The following RBFOX1 variants were observed in gnomAD, a reference collection of about 807,000 sequenced individuals.
RBFOX1 encodes RNA binding fox-1 homolog 1.
In RBFOX1, 8 loss-of-function variants were observed where a neutral mutation model predicts 57.7. The ratio of observed to expected loss-of-function variants is 0.14; its 90% CI spans 0.08 to 0.25. RBFOX1 has a LOEUF of 0.25. Among genes scored for constraint, RBFOX1 ranks in the 10% least tolerant of loss-of-function variants. The probability of loss-of-function intolerance (pLI) is 1.00; values close to 1 mark genes in which losing one functional copy is unlikely to be tolerated. For synonymous variants in RBFOX1, 326 were observed against 222.4 expected (o/e 1.47, Z -4.15); for missense variants, 611 against 548.5 (o/e 1.11, Z -1.14).
intron 3 of RBFOX1, among the ~76,000 whole-genome samples, chr16:5,803,019 T>C (rs2055108933): frequency 1.3e-5 from 2 of 152,188 alleles, no homozygotes; most frequent in African/African-American, 2.4e-5. Context: ...GAGACAGACA[T>C]GTACTTGGGT....
intron 1 of RBFOX1, among the ~76,000 whole-genome samples, chr16:6,049,027 G>A (rs1315998170): frequency 2.0e-5 from 3 of 147,088 alleles, no homozygotes; most frequent in African/African-American, 7.5e-5. Context: ...CCATTTTGAC[G>A]ATCGACCCCT....
chr16:7,078,877 T>G lies in RBFOX1; in HGVS notation c.27+26779T>G. Among the ~76,000 whole-genome samples, 2 of 139,634 alleles carry G rather than the reference T, an allele frequency of 1.4e-5. 1 individual carries two copies. Among genetic ancestry groups the G allele is most frequent in the African/African-American group, 5.2e-5 (2 of 38,346 alleles). The allele number at this position is 139,634 out of a possible 152,430, so 91.6% of individuals were successfully genotyped here. On this transcript the variant is annotated intron_variant, in intron 4 of 15. Coordinates refer to ENST00000550418, the MANE Select transcript of RBFOX1 (RefSeq NM_018723.4). ...TATATATATACCTTTTTTTTTTTTT[T>G]TTTTTTTTTTTTAGTGAAGATGGGG...
At chr16:7,514,664 TG>T (rs1297478621) in intron 4 of RBFOX1, among the ~76,000 whole-genome samples, 7 of 152,062 alleles carry the variant, frequency 4.6e-5, no homozygotes, top group Admixed American at 4.6e-4. Flanking sequence ...AGGGGGTAGG[TG>T]AGGCTTTCCA....
At chr16:5,527,561 G>A (rs532263081) in intron 2 of RBFOX1, among the ~76,000 whole-genome samples, 14 of 152,274 alleles carry the variant, frequency 9.2e-5, no homozygotes, top group Non-Finnish European at 1.8e-4. Flanking sequence ...ATATGTAGGG[G>A]CTTGTTTGTT....
chr16:6,807,607 C>G (rs1044645405), intron 3 of RBFOX1, among the ~76,000 whole-genome samples: 2 of 151,996 alleles, frequency 1.3e-5, no homozygotes, highest in Non-Finnish European at 2.9e-5. Context: ...CACAAGGTCA[C>G]GAGATTGAGA....
rs144398878 is a variant in RBFOX1, at chr16:6,943,254, C to G, written c.-15-108803C>G. ...TCAAGAGAAAGCCAGCAGTCAATGA[C>G]TGATCAAGGTGCAAAAAGAATAGCC... On this transcript the variant is annotated intron_variant, in intron 3 of 15. Transcript: ENST00000550418. 3.7e-3 allele frequency among the ~76,000 whole-genome samples: 556 copies of G among 152,290 alleles called. 1 individual carries two copies. Among genetic ancestry groups the G allele is most frequent in the South Asian group, 5.6e-3 (27 of 4,824 alleles).
intron 1 of RBFOX1, among the ~76,000 whole-genome samples, chr16:5,450,225 C>T (rs1417068137): frequency 2.6e-5 from 4 of 152,170 alleles, no homozygotes; most frequent in African/African-American, 9.7e-5. Context: ...AATTCTGTCT[C>T]CCTCCTGACA....
chr16:6,145,456 T>A (rs2096750729), intron 1 of RBFOX1, among the ~76,000 whole-genome samples: 1 of 152,232 alleles, frequency 6.6e-6, no homozygotes, highest in Admixed American at 6.5e-5. Flanking sequence ...TTTAGGTTGA[T>A]TCCATGTCTT....
chr16:6,443,771 C>G (rs1306362183), intron 2 of RBFOX1, among the ~76,000 whole-genome samples: 4 of 152,118 alleles, frequency 2.6e-5, no homozygotes, highest in Non-Finnish European at 5.9e-5. Flanking sequence ...ATCTACCCAT[C>G]TACCCACAAT....
rs79419256 is a variant in RBFOX1, at chr16:6,877,780, C to T, written c.-15-174277C>T. Among the ~76,000 whole-genome samples the T allele has an allele frequency of 9.0e-3, 1,369 of 151,996 alleles. 21 individuals carry two copies. The highest frequency in any genetic ancestry group is 0.031 in the African/African-American group (1,293 of 41,504). ...TTTTAAATTGTATAAATTGCTTTAA[C>T]GCATGCAGTTACATTTTGCTTGTGT... On this transcript the variant is annotated intron_variant, in intron 3 of 15. Transcript: ENST00000550418.
intron 5 of RBFOX1, among the ~76,000 whole-genome samples, chr16:7,531,548 G>A (rs920041439): frequency 2.6e-5 from 4 of 152,152 alleles, no homozygotes; most frequent in Non-Finnish European, 4.4e-5. Flanking sequence ...AGGCAGCCAC[G>A]GTCCACTGTC....
At chr16:6,555,731 A>C (rs886891864) in intron 2 of RBFOX1, among the ~76,000 whole-genome samples, 1 of 152,050 alleles carries the variant, frequency 6.6e-6, no homozygotes. Flanking sequence ...AACAAACAAA[A>C]AAGATATCAT....
intron 4 of RBFOX1, among the ~76,000 whole-genome samples, chr16:7,279,741 T>G (rs75867746): frequency 0.03 from 4,533 of 152,316 alleles, 109 homozygotes; most frequent in East Asian, 0.12. Flanking sequence ...TTGCCTGACC[T>G]GAATGAGTGC....
At chr16:6,286,920 C>T (rs1335540304) in intron 1 of RBFOX1, among the ~76,000 whole-genome samples, 2 of 152,126 alleles carry the variant, frequency 1.3e-5, no homozygotes, top group East Asian at 1.9e-4. Context: ...GCAATATTTG[C>T]TCAGCAACTA....
Position 7,536,526 on chromosome 16 carries a change from G to A in RBFOX1, c.270+18137G>A, listed in dbSNP as rs142205564. Among the ~76,000 whole-genome samples, 205 of 152,262 alleles carry A rather than the reference G, an allele frequency of 1.3e-3. 1 individual carries two copies. Among genetic ancestry groups the A allele is most frequent in the Non-Finnish European group, 2.2e-3 (150 of 68,024 alleles). On this transcript the variant is annotated intron_variant, in intron 5 of 15. Coordinates refer to ENST00000550418, the MANE Select transcript of RBFOX1 (RefSeq NM_018723.4). ...AGAGAATCGCTTGAACTCAGGAGGC[G>A]GAGGTTGCAGTGAGCCAAGATGGCA...
intron 1 of RBFOX1, among the ~76,000 whole-genome samples, chr16:5,291,001 G>C (rs1225891082): frequency 6.6e-6 from 1 of 152,146 alleles, no homozygotes; most frequent in Non-Finnish European, 1.5e-5. Context: ...CGCTCAGCCA[G>C]ATTTAAGGGA....
At chr16:6,752,000 C>T (rs982573169) in intron 3 of RBFOX1, among the ~76,000 whole-genome samples, 2 of 152,084 alleles carry the variant, frequency 1.3e-5, no homozygotes, top group African/African-American at 4.8e-5. Flanking sequence ...AATAGGATCC[C>T]AGTTGGAATA....
chr16:7,287,701 G>A (rs943785429), intron 4 of RBFOX1, among the ~76,000 whole-genome samples: 1 of 152,138 alleles, frequency 6.6e-6, no homozygotes, highest in Non-Finnish European at 1.5e-5. Context: ...CCACATTTGG[G>A]TGTTTCCTCA....
intron 4 of RBFOX1, among the ~76,000 whole-genome samples, chr16:5,883,656 C>T (rs1466732497): frequency 6.6e-6 from 1 of 152,066 alleles, no homozygotes; most frequent in Non-Finnish European, 1.5e-5. Flanking sequence ...TCTAATAAGC[C>T]TGGTGTCTTC....
Sources: gnomAD v4.1 joint callset for allele counts (sites outside exome capture counted in the v4.1 genomes callset) on GRCh38, gnomAD v4.1.1 for gene constraint, MANE v1.5 for transcripts, NCBI Gene and HGNC (gene_info 2026-07-23, HGNC 2026-07-21) for gene names.